The following RBMS3 variants were observed in gnomAD, a reference collection of about 807,000 sequenced individuals.
RBMS3 encodes RNA binding motif single stranded interacting protein 3.
In RBMS3, 27 loss-of-function variants were observed where a neutral mutation model predicts 66.8. That is an observed-to-expected ratio of 0.40 (90% CI 0.30 to 0.56). The LOEUF (loss-of-function observed/expected upper bound fraction) is 0.56. RBMS3 is among the 20% of genes least tolerant of loss of function. RBMS3 has a pLI of 0.40. For synonymous variants in RBMS3, 188 were observed against 183.0 expected (o/e 1.03, Z -0.22); for missense variants, 513 against 549.5 (o/e 0.93, Z 0.66).
chr3:29,610,669 A>G (rs1379526), intron 4 of RBMS3, among the ~76,000 whole-genome samples: 2 of 152,044 alleles, frequency 1.3e-5, no homozygotes, highest in Non-Finnish European at 2.9e-5. Context: ...TACATAGTAG[A>G]TTGTGGATCT....
Position 29,610,383 on chromosome 3 carries a change from C to T in RBMS3, c.399+23178C>T, listed in dbSNP as rs539688150. Among the ~76,000 whole-genome samples, 6 of 152,166 alleles carry T rather than the reference C, an allele frequency of 3.9e-5. No homozygotes were observed. The South Asian group carries it at 1.2e-3, about 32-fold the overall frequency. ...ATGGATAAGACTGACTCTCACCACC[C>T]TCTGTTACCCACCTTGATGAAGTAA... is the stretch of plus-strand genomic sequence containing the variant. On this transcript the variant is annotated intron_variant, in intron 4 of 14. Coordinates refer to ENST00000383767, the MANE Select transcript of RBMS3 (RefSeq NM_001003793.3).
chr3:29,976,254 G>A (rs758321656), intron 12 of RBMS3, among the ~76,000 whole-genome samples: 14 of 151,834 alleles, frequency 9.2e-5, no homozygotes, highest in Non-Finnish European at 1.8e-4. Context: ...GATATTCTGG[G>A]AGACTGAATG....
At chr3:29,816,013 G>A (rs367869232) in intron 6 of RBMS3, among the ~76,000 whole-genome samples, 4 of 152,004 alleles carry the variant, frequency 2.6e-5, no homozygotes, top group African/African-American at 9.7e-5. Context: ...TGTTACTGTA[G>A]CAATTATTGG....
At chr3:29,635,791 T>C (rs796286699) in intron 4 of RBMS3, among the ~76,000 whole-genome samples, 10 of 151,978 alleles carry the variant, frequency 6.6e-5, no homozygotes, top group African/African-American at 2.2e-4. Flanking sequence ...TATAATAGTT[T>C]TAAGGTATAA....
intron 12 of RBMS3, among the ~76,000 whole-genome samples, chr3:29,969,739 A>T (rs946025981): frequency 3.9e-5 from 6 of 152,230 alleles, no homozygotes; most frequent in African/African-American, 1.4e-4. Flanking sequence ...TTGTAACTAC[A>T]TGGTAGTGAA....
intron 1 of RBMS3, among the ~76,000 whole-genome samples, chr3:29,331,729 T>A (rs1202083946): frequency 6.6e-6 from 1 of 151,668 alleles, no homozygotes; most frequent in Non-Finnish European, 1.5e-5. Context: ...AATCACAAGG[T>A]TTTTTTCCAG....
At chr3:29,874,437 T>C (rs770358079) in intron 7 of RBMS3, among the ~76,000 whole-genome samples, 16 of 152,242 alleles carry the variant, frequency 1.1e-4, no homozygotes, top group Admixed American at 6.5e-5. Flanking sequence ...TTTCTTTGTT[T>C]ATACCACAGT....
At chr3:29,287,150 T>G (rs1407724331) in intron 1 of RBMS3, among the ~76,000 whole-genome samples, 1 of 152,136 alleles carries the variant, frequency 6.6e-6, no homozygotes, top group East Asian at 1.9e-4. Flanking sequence ...GGGAAAATGT[T>G]GAACTATTTT....
chr3:29,393,402 C>T (rs759683944), intron 1 of RBMS3, among the ~76,000 whole-genome samples: 1 of 152,064 alleles, frequency 6.6e-6, no homozygotes, highest in Admixed American at 6.5e-5. Flanking sequence ...GCAGCGATGG[C>T]TTAAGAGGTG....
chr3:29,763,041 T>G (rs2055765650), intron 6 of RBMS3, 52 bp downstream of exon 6: 1 of 1,260,670 alleles, frequency 7.9e-7, no homozygotes, highest in Non-Finnish European at 1.1e-6. Context: ...TAAATTGCTC[T>G]TATTAGAATA....
intron 3 of RBMS3, among the ~76,000 whole-genome samples, chr3:29,576,743 C>T (rs2047136146): frequency 6.6e-6 from 1 of 152,188 alleles, no homozygotes; most frequent in Non-Finnish European, 1.5e-5. Context: ...AGAGGAGCCT[C>T]TCCCTGTGGG....
At chr3:29,768,450 A>G (rs1053109988) in intron 6 of RBMS3, among the ~76,000 whole-genome samples, 3 of 151,922 alleles carry the variant, frequency 2.0e-5, no homozygotes, top group African/African-American at 7.2e-5. Context: ...ATAGAGAAGG[A>G]AAAAGTTTCA....
intron 6 of RBMS3, among the ~76,000 whole-genome samples, chr3:29,848,426 T>G (rs2058844344): frequency 6.6e-6 from 1 of 152,224 alleles, no homozygotes; most frequent in African/African-American, 2.4e-5. Context: ...TATATAGTTA[T>G]GATATGCTTT....
At position 29,901,711 on chromosome 3, in the gene RBMS3, G is replaced by A. The variant is rs557420527; in HGVS notation, c.939+1956G>A. ...GTGGCTACTACTCAGAGCTGATATC[G>A]TATCACCTCCCATGACTAAATTATG... On this transcript the variant is annotated intron_variant, in intron 10 of 14. Coordinates refer to ENST00000383767, the MANE Select transcript of RBMS3 (RefSeq NM_001003793.3). Among the ~76,000 whole-genome samples the A allele has an allele frequency of 3.2e-4, 49 of 151,800 alleles. 2 individuals are homozygous for A. The South Asian group carries it at 9.1e-3, about 28-fold the overall frequency.
intron 6 of RBMS3, among the ~76,000 whole-genome samples, chr3:29,794,232 G>C (rs1252737386): frequency 1.3e-5 from 2 of 152,158 alleles, no homozygotes; most frequent in Non-Finnish European, 2.9e-5. Context: ...CTGATGGACT[G>C]TTCCTACTGA....
chr3:29,485,948 C>A (rs150458228), intron 2 of RBMS3, among the ~76,000 whole-genome samples: 1 of 151,966 alleles, frequency 6.6e-6, no homozygotes, highest in African/African-American at 2.4e-5. Context: ...AGGTTATATA[C>A]CTGAAGGCAT....
chr3:29,893,906 G>A (rs1408718480), intron 8 of RBMS3, among the ~76,000 whole-genome samples: 5 of 151,316 alleles, frequency 3.3e-5, no homozygotes, highest in Admixed American at 3.3e-4. Context: ...AAGCTGCTCT[G>A]CATTTATTCA....
intron 6 of RBMS3, among the ~76,000 whole-genome samples, chr3:29,799,293 T>C (rs531867597): frequency 6.6e-6 from 1 of 152,222 alleles, no homozygotes. Context: ...TTCACTTTTT[T>C]CTGAGTTGTC....
chr3:29,960,745 G>C (rs1186882116), intron 12 of RBMS3, among the ~76,000 whole-genome samples: 1 of 152,160 alleles, frequency 6.6e-6, no homozygotes, highest in Non-Finnish European at 1.5e-5. Context: ...GCCAAGGCTT[G>C]GGGCTTGCAC....
Sources: allele counts gnomAD v4.1 joint callset (sites outside exome capture counted in the v4.1 genomes callset), GRCh38; gene constraint gnomAD v4.1.1; transcripts MANE v1.5; gene names NCBI Gene and HGNC (gene_info 2026-07-23, HGNC 2026-07-21).